RMP64: variants seen among roughly 807,000 people sequenced by gnomAD.
RMP64 encodes nucleolus and neural progenitor protein.
the RMP64 span, chr3:113,008,643 C>T: frequency 8.8e-5 from 34 of 384,304 alleles, no homozygotes; most frequent in African/African-American, 5.6e-4. Flanking sequence ...ATACCTGCTA[C>T]GTACCCACAA....
At chr3:113,010,975 T>TA in the RMP64 span, 2 of 1,377,244 alleles carry the variant, frequency 1.5e-6, no homozygotes, top group African/African-American at 2.9e-5. Flanking sequence ...GCATGACTAT[T>TA]ACTTTCAAAA....
chr3:113,013,464 T>TGG, the RMP64 span: 2 of 370,000 alleles, frequency 5.4e-6, no homozygotes, highest in Non-Finnish European at 6.7e-6. Flanking sequence ...TTTTTTTTGT[T>TGG]TTTTTTTTTT....
the RMP64 span, chr3:113,010,424 C>A: frequency 2.0e-6 from 1 of 511,782 alleles, no homozygotes. Flanking sequence ...TAGAGAAACT[C>A]CTACTAAAAT....
chr3:113,019,476 G>T, the RMP64 span: 3 of 1,372,440 alleles, frequency 2.2e-6, no homozygotes, highest in South Asian at 1.2e-5. Context: ...CCGCCCACAT[G>T]CGCCGGCTGG....
At chr3:113,013,159 T>A in the RMP64 span, 1 of 1,179,686 alleles carries the variant, frequency 8.5e-7, no homozygotes, top group Non-Finnish European at 1.2e-6. Flanking sequence ...AGTTTAAGAA[T>A]TCCTGTAGGT....
chr3:113,004,699 T>G, the RMP64 span: 1 of 152,124 alleles, frequency 6.6e-6, no homozygotes, highest in East Asian at 1.9e-4. Flanking sequence ...ACGAGCAACA[T>G]CCCCTATCAG....
At chr3:113,019,415 C>T in the RMP64 span, 16 of 718,222 alleles carry the variant, frequency 2.2e-5, no homozygotes, top group Middle Eastern at 9.9e-4. Context: ...CCCCTACGTG[C>T]CCCGCGCCCC....
the RMP64 span, among the ~76,000 whole-genome samples, chr3:113,018,848 A>G: frequency 2.0e-5 from 3 of 152,178 alleles, no homozygotes; most frequent in African/African-American, 7.2e-5. Context: ...TGAGGCACAG[A>G]AAGGTTCAAT....
At chr3:113,002,934 C>T in the RMP64 span, 1 of 152,364 alleles carries the variant, frequency 6.6e-6, no homozygotes, top group African/African-American at 2.4e-5. Context: ...AAGGTTCAGC[C>T]CTGCTTGAAA....
chr3:113,013,453 T>G, the RMP64 span: 29 of 1,265,418 alleles, frequency 2.3e-5, no homozygotes, highest in Admixed American at 2.8e-4. Flanking sequence ...AAAAAAGGGT[T>G]TTTTTTTTGT....
chr3:113,015,823 A>G, the RMP64 span, among the ~76,000 whole-genome samples: 4 of 151,892 alleles, frequency 2.6e-5, no homozygotes, highest in South Asian at 2.1e-4. Context: ...ATTAAATGCT[A>G]TAAGTACAAA....
the RMP64 span, chr3:113,014,027 C>A: frequency 6.2e-7 from 1 of 1,609,420 alleles, no homozygotes. Context: ...TTAAACATTG[C>A]TCAACCTGAA....
chr3:113,010,517 C>T, the RMP64 span: 4 of 712,984 alleles, frequency 5.6e-6, no homozygotes, highest in Admixed American at 8.1e-5. Flanking sequence ...CACACACTGA[C>T]AACTAAGAAG....
the RMP64 span, chr3:113,019,415 C>A: frequency 1.4e-6 from 1 of 718,338 alleles, no homozygotes; most frequent in Non-Finnish European, 2.4e-6. Context: ...CCCCTACGTG[C>A]CCCGCGCCCC....
chr3:113,007,023 T>C, the RMP64 span, among the ~76,000 whole-genome samples: 1 of 152,192 alleles, frequency 6.6e-6, no homozygotes, highest in East Asian at 1.9e-4. Flanking sequence ...TACTGAGTAA[T>C]GGTTTAACCA....
At chr3:113,015,406 A>T in the RMP64 span, among the ~76,000 whole-genome samples, 1 of 152,200 alleles carries the variant, frequency 6.6e-6, no homozygotes, top group Non-Finnish European at 1.5e-5. Context: ...TAAGGCAGAG[A>T]GGGAGTGCTG....
At chr3:113,013,839 C>T in the RMP64 span, 2 of 777,560 alleles carry the variant, frequency 2.6e-6, no homozygotes, top group Non-Finnish European at 4.4e-6. Flanking sequence ...ATTTATACAG[C>T]TGAGGTATAA....
At chr3:113,006,281 A>G in the RMP64 span, among the ~76,000 whole-genome samples, 5 of 152,192 alleles carry the variant, frequency 3.3e-5, no homozygotes, top group African/African-American at 9.7e-5. Context: ...GAGATACCCT[A>G]TACTTTAGTG....
chr3:113,016,181 CT>C, the RMP64 span, among the ~76,000 whole-genome samples: 1 of 151,996 alleles, frequency 6.6e-6, no homozygotes, highest in Admixed American at 6.6e-5. Context: ...GTAAGCCAAA[CT>C]AAGAAGTTTG....
Sources: gnomAD v4.1 joint callset for allele counts (sites outside exome capture counted in the v4.1 genomes callset) on GRCh38, gnomAD v4.1.1 for gene constraint, MANE v1.5 for transcripts, NCBI Gene and HGNC (gene_info 2026-07-23, HGNC 2026-07-21) for gene names.